ATRNL1: variants seen among roughly 807,000 people sequenced by gnomAD.
ATRNL1 encodes attractin-like protein 1.
ATRNL1 carries 95 observed loss-of-function variants against 182.7 expected under a neutral mutation model. That is an observed-to-expected ratio of 0.52 (90% CI 0.44 to 0.62). ATRNL1 has a LOEUF of 0.62. Among genes scored for constraint, ATRNL1 ranks in the 20% least tolerant of loss-of-function variants. The pLI is 0.00. For synonymous variants in ATRNL1, 576 were observed against 568.3 expected (o/e 1.01, Z -0.19); for missense variants, 1,471 against 1,679.5 (o/e 0.88, Z 2.17).
At chr10:115,906,776 G>A (rs1952515652) in intron 28 of ATRNL1, among the ~76,000 whole-genome samples, 1 of 151,972 alleles carries the variant, frequency 6.6e-6, no homozygotes, top group African/African-American at 2.4e-5. Flanking sequence ...CATCTTTACA[G>A]TGAAGGCCAT....
At chr10:115,713,461 G>GTGTTTGTGTGTGTA (rs1555055203) in intron 26 of ATRNL1, among the ~76,000 whole-genome samples, 33 of 146,030 alleles carry the variant, frequency 2.3e-4, no homozygotes, top group Middle Eastern at 3.5e-3. Flanking sequence ...GTGTGTGTGT[G>GTGTTTGTGTGTGTA]TGTGTTTGTG....
chr10:115,921,280 A>T (rs1318520583), intron 28 of ATRNL1, among the ~76,000 whole-genome samples: 1 of 152,174 alleles, frequency 6.6e-6, no homozygotes, highest in Non-Finnish European at 1.5e-5. Flanking sequence ...AGAAAAAAAT[A>T]ATTATAGATA....
chr10:115,807,614 A>G (rs771035036), intron 27 of ATRNL1, among the ~76,000 whole-genome samples: 76 of 152,228 alleles, frequency 5.0e-4, no homozygotes, highest in Non-Finnish European at 9.1e-4. Flanking sequence ...AACCACATTG[A>G]AAGGGTGGCA....
chr10:115,469,158 T>G lies in ATRNL1; in HGVS notation c.3497-14T>G. 2.8e-6 allele frequency: 3 copies of G among 1,053,508 alleles called. No individual in the cohort carries two copies. Among genetic ancestry groups the G allele is most frequent in the Non-Finnish European group, 3.8e-6 (3 of 779,646 alleles). 65.3% of individuals were successfully genotyped at this position (1,053,508 alleles called of 1,614,324 possible). On this transcript the variant is annotated splice_polypyrimidine_tract_variant and intron_variant, in intron 23 of 28. Coordinates refer to ENST00000355044, the MANE Select transcript of ATRNL1 (RefSeq NM_207303.4). ...ATTTCCTAATATTAATTATTTAAAT[T>G]ATTTACATTTTAGCTGGAACAATAT...
chr10:115,435,612 AATTT>A (rs782803440), intron 21 of ATRNL1, among the ~76,000 whole-genome samples: 113 of 152,294 alleles, frequency 7.4e-4, no homozygotes, highest in Middle Eastern at 3.4e-3. Flanking sequence ...TTAATGACTT[AATTT>A]GCTTGTTCTT....
At chr10:115,891,807 T>G (rs1381986715) in intron 28 of ATRNL1, among the ~76,000 whole-genome samples, 1 of 152,212 alleles carries the variant, frequency 6.6e-6, no homozygotes, top group Admixed American at 6.5e-5. Flanking sequence ...GGTAAGCTAG[T>G]AAAAGTTTGT....
chr10:115,830,292 A>G (rs1365498609), intron 27 of ATRNL1, among the ~76,000 whole-genome samples: 4 of 152,212 alleles, frequency 2.6e-5, no homozygotes, highest in Non-Finnish European at 5.9e-5. Flanking sequence ...CTCTTTATAA[A>G]TGGATCATTG....
chr10:115,233,255 G>A (rs1850034820), intron 9 of ATRNL1, among the ~76,000 whole-genome samples: 2 of 151,948 alleles, frequency 1.3e-5, no homozygotes, highest in South Asian at 4.2e-4. Flanking sequence ...TCAAACTAAG[G>A]TCACACTCCA....
Position 115,242,466 on chromosome 10 carries a change from T to G in ATRNL1, c.1687+741T>G, listed in dbSNP as rs185218631. On this transcript the variant is annotated intron_variant, in intron 10 of 28. Transcript: ENST00000355044. ...TATCATATTATATATAAAACCTAGC[T>G]GATATTTAAAATATACTTATCAGTA... 1.3e-4 allele frequency among the ~76,000 whole-genome samples: 20 copies of G among 152,056 alleles called. No individual in the cohort carries two copies. The East Asian group carries it at 3.5e-3, about 26-fold the overall frequency.
intron 19 of ATRNL1, among the ~76,000 whole-genome samples, chr10:115,371,391 G>A (rs182417954): frequency 1.9e-4 from 29 of 152,326 alleles, no homozygotes; most frequent in African/African-American, 7.0e-4. Context: ...TGTGAAAGCA[G>A]CCAGGAGGGA....
intron 19 of ATRNL1, among the ~76,000 whole-genome samples, chr10:115,350,363 A>AAAAAAT (rs1856189083): frequency 6.7e-6 from 1 of 148,906 alleles, no homozygotes; most frequent in Admixed American, 6.7e-5. Flanking sequence ...AAAAAAAAAA[A>AAAAAAT]AGAATTTCCT....
intron 27 of ATRNL1, among the ~76,000 whole-genome samples, chr10:115,749,419 T>C (rs564303020): frequency 6.6e-6 from 1 of 151,924 alleles, no homozygotes; most frequent in Admixed American, 6.6e-5. Context: ...CTTGTGCTGA[T>C]ATATAAACAT....
chr10:115,918,113 T>C (rs1347286802), intron 28 of ATRNL1, among the ~76,000 whole-genome samples: 3 of 133,194 alleles, frequency 2.3e-5, no homozygotes, highest in Non-Finnish European at 4.7e-5. Flanking sequence ...TTTTTTTTTT[T>C]TTTTTTAAGA....
intron 19 of ATRNL1, among the ~76,000 whole-genome samples, chr10:115,343,130 C>T (rs1855825839): frequency 6.6e-6 from 1 of 152,066 alleles, no homozygotes; most frequent in Non-Finnish European, 1.5e-5. Flanking sequence ...GTTTGGTGTT[C>T]TATAACCTTC....
At chr10:115,529,888 C>T (rs1055539006) in intron 25 of ATRNL1, among the ~76,000 whole-genome samples, 1 of 152,070 alleles carries the variant, frequency 6.6e-6, no homozygotes, top group African/African-American at 2.4e-5. Flanking sequence ...TAGTCACTCC[C>T]CCCTTTTACA....
chr10:115,830,213 T>G (rs1430653799), intron 27 of ATRNL1, among the ~76,000 whole-genome samples: 1 of 152,212 alleles, frequency 6.6e-6, no homozygotes, highest in African/African-American at 2.4e-5. Flanking sequence ...TAGCAGAAAC[T>G]AATTCATCTG....
In ATRNL1 at chr10:115,747,907, C is replaced by T. The variant is rs1485544091; in HGVS notation, c.3903+20552C>T. On this transcript the variant is annotated intron_variant, in intron 27 of 28. Coordinates refer to ENST00000355044, the MANE Select transcript of ATRNL1 (RefSeq NM_207303.4). ...TCTTATGGTGAAAGATGCAAACACA[C>T]TCCATTGGCCTTCTTTCATAAGGAC... 2.6e-5 allele frequency among the ~76,000 whole-genome samples: 4 copies of T among 152,008 alleles called. 1 individual carries two copies. Among genetic ancestry groups the T allele is most frequent in the African/African-American group, 9.7e-5 (4 of 41,410 alleles).
Position 115,093,557 on chromosome 10 carries a change from G to C in ATRNL1, c.-194G>C. The C allele has an allele frequency of 1.4e-6, 1 of 704,958 alleles. No individual in the cohort carries two copies. Among genetic ancestry groups the C allele is most frequent in the Non-Finnish European group, 2.5e-6 (1 of 395,984 alleles). The allele number at this position is 704,958 out of a possible 1,614,324, so 43.7% of individuals were successfully genotyped here. ...AGACTGGGTGGCGATGCCCGAGTGC[G>C]ACTGGAGGCAGCCGAGCGGAGGCGA... On this transcript the variant is annotated 5_prime_UTR_variant, in exon 1 of 29. Coordinates refer to ENST00000355044, the MANE Select transcript of ATRNL1 (RefSeq NM_207303.4). This position sits in a 1 kb window ranked among gnomAD's most constrained non-coding sequence, Gnocchi z 6.1.
At chr10:115,561,692 T>TGTGTGTGG (rs1565167350) in intron 26 of ATRNL1, among the ~76,000 whole-genome samples, 9 of 45,726 alleles carry the variant, frequency 2.0e-4, no homozygotes, top group Non-Finnish European at 4.8e-4. Context: ...TGTGTGTGGG[T>TGTGTGTGG]GTGTGTGTGT....
Sources: gnomAD v4.1 joint callset for allele counts (sites outside exome capture counted in the v4.1 genomes callset) on GRCh38, gnomAD v4.1.1 for gene constraint, Gnocchi (gnomAD v3.1) non-coding constraint, MANE v1.5 for transcripts, NCBI Gene and HGNC (gene_info 2026-07-23, HGNC 2026-07-21) for gene names.